The following DAB1 variants were observed in gnomAD, a reference collection of about 807,000 sequenced individuals.
DAB1 encodes DAB adaptor protein 1.
Under a neutral mutation model 64.6 loss-of-function variants are expected in DAB1, and 15 were observed. That is an observed-to-expected ratio of 0.23 (90% confidence interval 0.16 to 0.36). The LOEUF is 0.36. Among genes scored for constraint, DAB1 ranks in the 10% least tolerant of loss-of-function variants. DAB1 has a pLI of 1.00. For synonymous variants in DAB1, 235 were observed against 251.9 expected (o/e 0.93, Z 0.64); for missense variants, 596 against 706.7 (o/e 0.84, Z 1.78).
intron 1 of DAB1, among the ~76,000 whole-genome samples, chr1:57,353,101 A>T (rs539696602): frequency 2.4e-4 from 32 of 132,260 alleles, no homozygotes; most frequent in African/African-American, 9.0e-4. Flanking sequence ...CCATATATAT[A>T]TATTTTTTTC....
At chr1:58,069,045 A>G (rs1031048741) in intron 5 of DAB1, among the ~76,000 whole-genome samples, 11 of 152,168 alleles carry the variant, frequency 7.2e-5, no homozygotes, top group Non-Finnish European at 1.3e-4. Context: ...GAAGGAGGCT[A>G]TTCTGGTAGG....
chr1:57,393,415 G>A (rs187887185), intron 1 of DAB1, among the ~76,000 whole-genome samples: 1 of 152,186 alleles, frequency 6.6e-6, no homozygotes, highest in Admixed American at 6.5e-5. Flanking sequence ...TCAGGAGGCC[G>A]GGTGCAGTGA....
chr1:58,376,663 G>A (rs1483786309), intron 3 of DAB1, among the ~76,000 whole-genome samples: 3 of 142,126 alleles, frequency 2.1e-5, no homozygotes, highest in African/African-American at 7.9e-5. Flanking sequence ...CTGTTGATTT[G>A]GGGTGGAGAG....
intron 4 of DAB1, among the ~76,000 whole-genome samples, chr1:58,296,485 G>A (rs1661999679): frequency 1.3e-5 from 2 of 152,134 alleles, no homozygotes; most frequent in Admixed American, 1.3e-4. Context: ...ACAGGTGAGA[G>A]GCAAAGTGCA....
intron 4 of DAB1, among the ~76,000 whole-genome samples, chr1:58,204,721 A>C (rs1173680895): frequency 6.6e-6 from 1 of 152,226 alleles, no homozygotes; most frequent in Non-Finnish European, 1.5e-5. Context: ...ATTCCCACGC[A>C]TAAACTTCCA....
intron 2 of DAB1, among the ~76,000 whole-genome samples, chr1:57,204,419 C>T (rs990606471): frequency 1.3e-4 from 17 of 131,636 alleles, no homozygotes; most frequent in East Asian, 4.4e-4. Context: ...TAAGATTCCA[C>T]AGAACACAAA....
At chr1:58,525,905 A>G (rs550786492) in intron 2 of DAB1, among the ~76,000 whole-genome samples, 1 of 152,150 alleles carries the variant, frequency 6.6e-6, no homozygotes, top group East Asian at 1.9e-4. Context: ...GACCCCAGAT[A>G]TACTCCCACC....
At chr1:58,247,164 A>G (rs2100394081) in intron 4 of DAB1, among the ~76,000 whole-genome samples, 1 of 152,206 alleles carries the variant, frequency 6.6e-6, no homozygotes, top group Admixed American at 6.5e-5. Context: ...AATGGGGGCA[A>G]GGAGGCTGGA....
chr1:58,148,896 T>A (rs1351538810), intron 5 of DAB1, among the ~76,000 whole-genome samples: 5 of 152,078 alleles, frequency 3.3e-5, no homozygotes, highest in Non-Finnish European at 5.9e-5. Context: ...ACCATATCAA[T>A]CATCAAATAG....
At chr1:58,441,758 C>T (rs543303748) in intron 3 of DAB1, among the ~76,000 whole-genome samples, 26 of 152,286 alleles carry the variant, frequency 1.7e-4, no homozygotes, top group African/African-American at 5.8e-4. Flanking sequence ...CCCTTTTAGA[C>T]GGCCAGCTTC....
intron 7 of DAB1, among the ~76,000 whole-genome samples, chr1:57,622,364 T>A (rs533219164): frequency 1.5e-4 from 23 of 152,212 alleles, no homozygotes; most frequent in African/African-American, 5.5e-4. Flanking sequence ...GTGGCAGAGC[T>A]GGACATAGAT....
rs545743407 is a variant in DAB1, at chr1:57,461,943, CTTTTTTTTTTTT to C, written n.626-170789_626-170778del. 7.4e-3 allele frequency among the ~76,000 whole-genome samples: 742 copies of C among 100,340 alleles called. 5 individuals carry two copies. Among genetic ancestry groups the C allele is most frequent in the African/African-American group, 0.026 (706 of 26,892 alleles). The allele number at this position is 100,340 out of a possible 152,430, so 65.8% of individuals were successfully genotyped here. A position where few individuals can be genotyped will look rare whatever the true frequency, so the allele number is the denominator to read the frequency against. ...GAATACATAAAGGATAAGATATACT[CTTTTTTTTTTTT>C]TTTTTTTTTTTTTTTTACACAAAGT... is the stretch of plus-strand genomic sequence containing the variant. On this transcript the variant is annotated intron_variant and non_coding_transcript_variant, in intron 7 of 20. Transcript: ENST00000485760.
intron 3 of DAB1, among the ~76,000 whole-genome samples, chr1:58,394,767 G>A (rs58863915): frequency 0.014 from 2,176 of 152,286 alleles, 57 homozygotes; most frequent in African/African-American, 0.05. Flanking sequence ...CTTCAAGAGA[G>A]TATGGATGTT....
intron 3 of DAB1, among the ~76,000 whole-genome samples, chr1:58,441,741 G>A (rs755487168): frequency 6.6e-6 from 1 of 152,134 alleles, no homozygotes; most frequent in Non-Finnish European, 1.5e-5. Context: ...TGGCTTGACC[G>A]TCTCCACCCT....
intron 2 of DAB1, among the ~76,000 whole-genome samples, chr1:57,250,611 T>G (rs1558024529): frequency 6.6e-6 from 1 of 152,198 alleles, no homozygotes; most frequent in Non-Finnish European, 1.5e-5. Context: ...CTTTCCAAAA[T>G]TTTTAATTTC....
chr1:57,105,264 G>A (rs1330751658), intron 4 of DAB1, among the ~76,000 whole-genome samples: 2 of 151,988 alleles, frequency 1.3e-5, no homozygotes, highest in African/African-American at 4.8e-5. Context: ...TGGGATTGGG[G>A]GTGGGGTGGT....
chr1:58,437,622 T>A (rs1203021800), intron 3 of DAB1, among the ~76,000 whole-genome samples: 2 of 152,246 alleles, frequency 1.3e-5, no homozygotes, highest in African/African-American at 4.8e-5. Context: ...TAAGCTCTAA[T>A]GCAAGCAAGA....
chr1:57,643,912 G>C (rs1646160958), intron 7 of DAB1, among the ~76,000 whole-genome samples: 1 of 152,158 alleles, frequency 6.6e-6, no homozygotes, highest in Non-Finnish European at 1.5e-5. Context: ...TCAGCAATTA[G>C]TGTGTCCATT....
At chr1:58,485,646 G>T (rs1394750003) in intron 3 of DAB1, among the ~76,000 whole-genome samples, 4 of 151,402 alleles carry the variant, frequency 2.6e-5, no homozygotes, top group Non-Finnish European at 4.4e-5. Flanking sequence ...ATATTTCAGG[G>T]CGCCAATGTC....
Sources: allele counts gnomAD v4.1 joint callset (sites outside exome capture counted in the v4.1 genomes callset), GRCh38; gene constraint gnomAD v4.1.1; transcripts MANE v1.5; gene names NCBI Gene and HGNC (gene_info 2026-07-23, HGNC 2026-07-21).